CRYL1: variants seen among roughly 807,000 people sequenced by gnomAD.
CRYL1 encodes the protein lambda-crystallin homolog.
A neutral mutation model predicts 36.6 loss-of-function variants in CRYL1; 29 were observed. The observed-to-expected ratio is 0.79, with a 90% CI of 0.59 to 1.08. The LOEUF is 1.08. Among genes scored for constraint, CRYL1 ranks in the 50% least tolerant of loss-of-function variants. The pLI is 0.00. For synonymous variants in CRYL1, 152 were observed against 151.5 expected (o/e 1.00, Z -0.02); for missense variants, 411 against 407.9 (o/e 1.01, Z -0.06).
chr13:20,478,785 G>T (rs537544023), intron 3 of CRYL1, among the ~76,000 whole-genome samples: 2 of 151,634 alleles, frequency 1.3e-5, no homozygotes, highest in African/African-American at 4.9e-5. Context: ...CCCTCTTCTC[G>T]CTCTGTTGCC....
chr13:20,431,043 C>T (rs1014953754), intron 5 of CRYL1: 9 of 985,340 alleles, frequency 9.1e-6, no homozygotes, highest in South Asian at 4.7e-5. Context: ...AACCGCGTGG[C>T]AAATGCACCC....
chr13:20,512,615 C>G, intron 1 of CRYL1, 65 bp from the exon 2 acceptor site: 2 of 1,189,424 alleles, frequency 1.7e-6, no homozygotes, highest in South Asian at 2.7e-5. Context: ...CATTCCTAAC[C>G]CAGAATGAGT....
At chr13:20,480,552 T>C (rs1230071373) in intron 3 of CRYL1, among the ~76,000 whole-genome samples, 1 of 152,202 alleles carries the variant, frequency 6.6e-6, no homozygotes, top group African/African-American at 2.4e-5. Context: ...CCAGCACACA[T>C]AACTTCATAC....
intron 1 of CRYL1, among the ~76,000 whole-genome samples, chr13:20,512,798 G>C (rs1268171403): frequency 1.3e-5 from 2 of 152,182 alleles, no homozygotes; most frequent in East Asian, 3.8e-4. Context: ...AGGCTGGACG[G>C]GGGTGGGAGA....
intron 4 of CRYL1, among the ~76,000 whole-genome samples, chr13:20,436,993 C>T (rs935010718): frequency 4.6e-5 from 7 of 151,964 alleles, no homozygotes; most frequent in Admixed American, 1.3e-4. Flanking sequence ...CTAGAGGTCC[C>T]GTGGGGTGAG....
chr13:20,451,621 A>G (rs923172078), intron 3 of CRYL1, among the ~76,000 whole-genome samples: 1 of 152,238 alleles, frequency 6.6e-6, no homozygotes, highest in Non-Finnish European at 1.5e-5. Context: ...CTATTACTAA[A>G]GTTGAAAAAC....
At chr13:20,511,561 A>G (rs1411524696) in intron 2 of CRYL1, among the ~76,000 whole-genome samples, 6 of 152,198 alleles carry the variant, frequency 3.9e-5, no homozygotes, top group Admixed American at 3.9e-4. Flanking sequence ...CCTACATATT[A>G]ATCTTTTCAA....
chr13:20,410,357 G>A (rs2031486551), intron 6 of CRYL1, among the ~76,000 whole-genome samples: 1 of 142,664 alleles, frequency 7.0e-6, no homozygotes, highest in Admixed American at 7.3e-5. Flanking sequence ...CACAGGAAGG[G>A]GAACATCACA....
intron 2 of CRYL1, among the ~76,000 whole-genome samples, chr13:20,495,433 TG>T (rs1275584554): frequency 6.6e-6 from 1 of 151,934 alleles, no homozygotes; most frequent in African/African-American, 2.4e-5. Flanking sequence ...AGGGTATGGG[TG>T]ATTTTAATTT....
At chr13:20,511,723 G>A (rs956618175) in intron 2 of CRYL1, among the ~76,000 whole-genome samples, 1 of 152,200 alleles carries the variant, frequency 6.6e-6, no homozygotes, top group Non-Finnish European at 1.5e-5. Flanking sequence ...GCAGGGGGAC[G>A]CGCCATGCGG....
intron 3 of CRYL1, among the ~76,000 whole-genome samples, chr13:20,478,953 G>A (rs900686678): frequency 6.6e-6 from 1 of 151,068 alleles, no homozygotes; most frequent in Non-Finnish European, 1.5e-5. Flanking sequence ...TAGTAGAGAC[G>A]GGGTTTCACC....
At chr13:20,431,779 T>C in intron 5 of CRYL1, 1 of 1,259,070 alleles carries the variant, frequency 7.9e-7, no homozygotes, top group Non-Finnish European at 1.0e-6. Context: ...AAGCTGCCTC[T>C]GTGGGAAAAT....
chr13:20,412,124 T>C (rs1327146841), intron 6 of CRYL1, among the ~76,000 whole-genome samples: 1 of 152,122 alleles, frequency 6.6e-6, no homozygotes, highest in East Asian at 1.9e-4. Context: ...ACATCCCCTT[T>C]TCAGCTTACC....
chr13:20,470,950 C>G (rs1593467514), intron 3 of CRYL1, among the ~76,000 whole-genome samples: 1 of 139,768 alleles, frequency 7.2e-6, no homozygotes, highest in Non-Finnish European at 1.5e-5. Flanking sequence ...CCATGACACA[C>G]ATATGAAGAA....
At chr13:20,491,095 C>A (rs1271222726) in intron 2 of CRYL1, among the ~76,000 whole-genome samples, 1 of 152,022 alleles carries the variant, frequency 6.6e-6, no homozygotes, top group African/African-American at 2.4e-5. Context: ...TTGGTAGAGA[C>A]GGGGTTTCGC....
intron 5 of CRYL1, among the ~76,000 whole-genome samples, chr13:20,423,096 G>T (rs2031857319): frequency 6.6e-6 from 1 of 152,160 alleles, no homozygotes; most frequent in African/African-American, 2.4e-5. Flanking sequence ...CCTTGTTAGT[G>T]TATAGAAATG....
chr13:20,499,437 A>C (rs1327645668), intron 2 of CRYL1, among the ~76,000 whole-genome samples: 4 of 151,468 alleles, frequency 2.6e-5, no homozygotes, highest in Non-Finnish European at 5.9e-5. Flanking sequence ...TCGTGAGGTC[A>C]GGAGATCGAG....
intron 2 of CRYL1, among the ~76,000 whole-genome samples, chr13:20,491,744 T>C (rs1478622441): frequency 1.3e-5 from 2 of 152,166 alleles, no homozygotes; most frequent in Non-Finnish European, 2.9e-5. Context: ...TAAGCCATGA[T>C]TGTGCCACTG....
At chr13:20,446,145 C>T (rs533025147) in intron 3 of CRYL1, among the ~76,000 whole-genome samples, 1 of 151,866 alleles carries the variant, frequency 6.6e-6, no homozygotes, top group South Asian at 2.1e-4. Flanking sequence ...AGAGTCCTGC[C>T]CTGTCGCCCA....
Sources: allele counts gnomAD v4.1 joint callset (sites outside exome capture counted in the v4.1 genomes callset), GRCh38; gene constraint gnomAD v4.1.1; transcripts MANE v1.5; gene names NCBI Gene and HGNC (gene_info 2026-07-23, HGNC 2026-07-21).